Variants in EIPR1 observed in about 807,000 individuals in gnomAD.
The protein encoded by EIPR1 is EARP and GARP complex-interacting protein 1.
Under a neutral mutation model 48.1 loss-of-function variants are expected in EIPR1, and 25 were observed. That is an observed-to-expected ratio of 0.52 (90% CI 0.38 to 0.73). The LOEUF (loss-of-function observed/expected upper bound fraction) is 0.73. Ranked by LOEUF, EIPR1 falls within the 30% of genes least tolerant of loss-of-function variation. EIPR1 has a pLI of 0.00. For synonymous variants in EIPR1, 204 were observed against 201.9 expected (o/e 1.01, Z -0.09); for missense variants, 415 against 506.2 (o/e 0.82, Z 1.73).
At chr2:3,265,837 C>T (rs1188900919) in intron 3 of EIPR1, among the ~76,000 whole-genome samples, 1 of 152,238 alleles carries the variant, frequency 6.6e-6, no homozygotes, top group East Asian at 1.9e-4. Flanking sequence ...AGTGAAGCCA[C>T]TGACTTTTCC....
chr2:3,361,747 A>G (rs1181544435), intron 1 of EIPR1, among the ~76,000 whole-genome samples: 1 of 147,030 alleles, frequency 6.8e-6, no homozygotes, highest in Non-Finnish European at 1.5e-5. Flanking sequence ...GACCCTGCCC[A>G]AGCCCTTGGA....
chr2:3,360,139 C>T (rs1670817842), intron 1 of EIPR1, among the ~76,000 whole-genome samples: 1 of 151,932 alleles, frequency 6.6e-6, no homozygotes, highest in Non-Finnish European at 1.5e-5. Flanking sequence ...CACAGTGGCT[C>T]ACGCCTGTAA....
intron 4 of EIPR1, among the ~76,000 whole-genome samples, chr2:3,244,096 G>A (rs1666723111): frequency 1.3e-5 from 2 of 152,234 alleles, no homozygotes; most frequent in South Asian, 4.1e-4. Context: ...CAGGATGCAG[G>A]TGGGAGAGCA....
intron 1 of EIPR1, among the ~76,000 whole-genome samples, 181 bp from the exon 2 acceptor site, chr2:3,354,814 A>G (rs753041928): frequency 6.6e-6 from 1 of 152,262 alleles, no homozygotes; most frequent in African/African-American, 2.4e-5. Context: ...CACACTTTCA[A>G]CACAATTCCA....
intron 4 of EIPR1, among the ~76,000 whole-genome samples, chr2:3,230,020 T>C (rs1666191030): frequency 6.6e-6 from 1 of 152,234 alleles, no homozygotes; most frequent in Admixed American, 6.5e-5. Context: ...AGAAGACAAT[T>C]CTTCCCCATC....
chr2:3,375,310 G>A (rs1266568082), intron 1 of EIPR1, among the ~76,000 whole-genome samples: 6 of 151,278 alleles, frequency 4.0e-5, no homozygotes, highest in Non-Finnish European at 8.8e-5. Context: ...CAGCACACCA[G>A]CATGGCACAT....
chr2:3,356,662 G>A (rs1020078109), intron 1 of EIPR1, among the ~76,000 whole-genome samples: 1 of 152,214 alleles, frequency 6.6e-6, no homozygotes, highest in Non-Finnish European at 1.5e-5. Flanking sequence ...CTTAGATTAA[G>A]GACCTTGAGA....
intron 1 of EIPR1, among the ~76,000 whole-genome samples, chr2:3,364,730 G>A (rs1487256685): frequency 6.6e-6 from 1 of 151,982 alleles, no homozygotes; most frequent in East Asian, 1.9e-4. Context: ...GCCAAGCATA[G>A]AAAGACAACA....
intron 2 of EIPR1, among the ~76,000 whole-genome samples, chr2:3,345,037 GAA>G (rs1670358723): frequency 6.6e-6 from 1 of 152,096 alleles, no homozygotes; most frequent in Non-Finnish European, 1.5e-5. Context: ...CAGTGGGAGA[GAA>G]AAAAGACTCC....
rs1558307159 is a variant in EIPR1, at chr2:3,337,038, AAAG to A, written c.259+976_259+978del. Among the ~76,000 whole-genome samples, 2 of 85,914 alleles carry A rather than the reference AAAG, an allele frequency of 2.3e-5. 1 individual carries two copies. Among genetic ancestry groups the A allele is most frequent in the African/African-American group, 7.6e-5 (2 of 26,248 alleles). 56.4% of individuals were successfully genotyped at this position (85,914 alleles called of 152,430 possible). ...AAAAGGGAAAAGGGAAGGGAAAAGA[AAAG>A]AGAAGGGAAAAGGGTAAAAAGAAGG... On this transcript the variant is annotated intron_variant, in intron 3 of 8. Transcript: ENST00000382125.
rs1430167658 is a variant in EIPR1 at position 3,344,428 on chromosome 2, C to T, written c.127-6279G>A. Among the ~76,000 whole-genome samples the T allele has an allele frequency of 2.6e-5, 4 of 152,330 alleles. No homozygotes were observed. In the East Asian group the frequency reaches 7.7e-4, roughly 29 times the overall value. ...TACTCTAGTCGGCTTCACGCTTCAG[C>T]TCAGTGCTGACATGAACGTGACCTG... On this transcript the variant is annotated intron_variant, in intron 2 of 8. Coordinates refer to ENST00000382125, the MANE Select transcript of EIPR1 (RefSeq NM_003310.5).
At chr2:3,317,628 G>A (rs1669352663) in intron 3 of EIPR1, among the ~76,000 whole-genome samples, 1 of 152,204 alleles carries the variant, frequency 6.6e-6, no homozygotes, top group Admixed American at 6.5e-5. Flanking sequence ...TATATGGACT[G>A]AATCCACCCC....
chr2:3,236,571 G>A (rs1397504665), intron 4 of EIPR1, among the ~76,000 whole-genome samples: 2 of 152,202 alleles, frequency 1.3e-5, no homozygotes, highest in African/African-American at 2.4e-5. Flanking sequence ...GGACGCAATC[G>A]TGGGCAAGAC....
chr2:3,297,837 TTTGAGATGGAGTC>T (rs1317097333), intron 3 of EIPR1, among the ~76,000 whole-genome samples: 32 of 152,230 alleles, frequency 2.1e-4, no homozygotes, highest in Non-Finnish European at 2.9e-5. Flanking sequence ...TGTTCGTTTG[TTTGAGATGGAGTC>T]TCGTTCTGTC....
At chr2:3,209,522 A>G (rs969426481) in intron 5 of EIPR1, among the ~76,000 whole-genome samples, 1 of 152,204 alleles carries the variant, frequency 6.6e-6, no homozygotes, top group African/African-American at 2.4e-5. Context: ...TCACTGTCAA[A>G]CGCACAGCGA....
chr2:3,205,774 T>C (rs1422616735), intron 5 of EIPR1, among the ~76,000 whole-genome samples: 1 of 152,164 alleles, frequency 6.6e-6, no homozygotes, highest in Non-Finnish European at 1.5e-5. Context: ...CATTGGCAGG[T>C]TACTTAGTCT....
At chr2:3,367,651 G>A (rs1671006575) in intron 1 of EIPR1, among the ~76,000 whole-genome samples, 1 of 152,020 alleles carries the variant, frequency 6.6e-6, no homozygotes, top group African/African-American at 2.4e-5. Context: ...GCAAACGCTG[G>A]GCCAATATTT....
rs941498827 is a variant in EIPR1 at position 3,189,960 on chromosome 2, T to C, written c.990-452A>G. 6.6e-5 allele frequency among the ~76,000 whole-genome samples: 10 copies of C among 152,132 alleles called. No individual in the cohort carries two copies. The highest frequency in any genetic ancestry group is 1.0e-4 in the Non-Finnish European group (7 of 68,018). The stretch of plus-strand genomic sequence containing the variant: ...CCTGGGAAGCAGCGGGTCCAGCTCC[T>C]GGCTGTGTAGGAGTCAGAGGCTGGG... On this transcript the variant is annotated intron_variant, in intron 8 of 8. Transcript: ENST00000382125. The surrounding 1 kb of genome is among the most constrained non-coding windows in gnomAD (Gnocchi z 4.6).
At chr2:3,325,933 A>C (rs994424343) in intron 3 of EIPR1, among the ~76,000 whole-genome samples, 28 of 152,226 alleles carry the variant, frequency 1.8e-4, no homozygotes, top group African/African-American at 6.8e-4. Flanking sequence ...CCATCATGGA[A>C]GGGAAGGCTC....
Sources: gnomAD v4.1 joint callset for allele counts (sites outside exome capture counted in the v4.1 genomes callset) on GRCh38, gnomAD v4.1.1 for gene constraint, Gnocchi (gnomAD v3.1) non-coding constraint, MANE v1.5 for transcripts, NCBI Gene and HGNC (gene_info 2026-07-23, HGNC 2026-07-21) for gene names.